Variants in INVS observed in about 807,000 individuals in gnomAD.
The protein encoded by INVS is inversin.
Under a neutral mutation model 108.8 loss-of-function variants are expected in INVS, and 86 were observed. That is an observed-to-expected ratio of 0.79 (90% CI 0.66 to 0.95). The LOEUF is 0.95. INVS is among the 40% of genes least tolerant of loss of function. The pLI is 0.00. For synonymous variants in INVS, 455 were observed against 473.5 expected (o/e 0.96, Z 0.51); for missense variants, 1,169 against 1,297.4 (o/e 0.90, Z 1.52).
chr9:100,224,842 C>T (rs906285422), intron 3 of INVS, among the ~76,000 whole-genome samples: 1 of 151,784 alleles, frequency 6.6e-6, no homozygotes, highest in Non-Finnish European at 1.5e-5. Flanking sequence ...TCTAGAACTC[C>T]TGACCTCGTG....
chr9:100,283,635 C>G (rs140271292), intron 12 of INVS, among the ~76,000 whole-genome samples: 124 of 152,310 alleles, frequency 8.1e-4, no homozygotes, highest in African/African-American at 2.8e-3. Flanking sequence ...CATCTTTAGA[C>G]GGGCCCCTGC....
intron 3 of INVS, among the ~76,000 whole-genome samples, chr9:100,132,498 A>G (rs959747372): frequency 3.3e-5 from 5 of 152,334 alleles, no homozygotes; most frequent in Non-Finnish European, 7.3e-5. Flanking sequence ...TCTTCTATGT[A>G]GGGATGATGA....
chr9:100,122,146 T>C (rs1337115057), intron 2 of INVS, among the ~76,000 whole-genome samples: 11 of 152,206 alleles, frequency 7.2e-5, no homozygotes. Flanking sequence ...AATTTCTGGC[T>C]GTCATTAGAT....
intron 3 of INVS, chr9:100,130,870 A>C (rs905443088): frequency 1.3e-5 from 2 of 152,214 alleles, no homozygotes; most frequent in African/African-American, 4.8e-5. Context: ...GAAGATATTA[A>C]ATGATAATTA....
At chr9:100,221,847 A>T (rs1476740163) in intron 3 of INVS, among the ~76,000 whole-genome samples, 1 of 152,182 alleles carries the variant, frequency 6.6e-6, no homozygotes, top group Non-Finnish European at 1.5e-5. Flanking sequence ...ATATTATTAT[A>T]ATTGTTCTAT....
At chr9:100,244,304 C>T (rs149437961) in intron 7 of INVS, among the ~76,000 whole-genome samples, 155 of 152,080 alleles carry the variant, frequency 1.0e-3, no homozygotes, top group African/African-American at 3.6e-3. Context: ...TTAACCTGAC[C>T]GAGTCTAGTC....
At chr9:100,165,311 A>G (rs552295426) in intron 3 of INVS, among the ~76,000 whole-genome samples, 1 of 152,278 alleles carries the variant, frequency 6.6e-6, no homozygotes, top group South Asian at 2.1e-4. Context: ...TAGGAGGGAC[A>G]TAATGTTTCA....
At chr9:100,204,540 AAG>A (rs565639974) in intron 3 of INVS, among the ~76,000 whole-genome samples, 221 of 152,274 alleles carry the variant, frequency 1.5e-3, no homozygotes, top group African/African-American at 5.1e-3. Context: ...AGGCATCTGA[AAG>A]GGGAATTTTC....
At chr9:100,205,282 T>C (rs1205498682) in intron 3 of INVS, among the ~76,000 whole-genome samples, 1 of 152,166 alleles carries the variant, frequency 6.6e-6, no homozygotes, top group Non-Finnish European at 1.5e-5. Context: ...CTGCTGCATC[T>C]GTTGGTAGCC....
At chr9:100,209,063 A>T (rs1043529556) in intron 3 of INVS, among the ~76,000 whole-genome samples, 1 of 152,138 alleles carries the variant, frequency 6.6e-6, no homozygotes, top group Non-Finnish European at 1.5e-5. Flanking sequence ...ATCCATTCTC[A>T]TTTTATTACA....
At chr9:100,294,741 A>G (rs1166387401) in intron 14 of INVS, among the ~76,000 whole-genome samples, 1 of 152,142 alleles carries the variant, frequency 6.6e-6, no homozygotes, top group African/African-American at 2.4e-5. Flanking sequence ...TAGGCTGGAG[A>G]AGGCTGCCTG....
At chr9:100,248,263 A>G (rs1323186594) in intron 8 of INVS, among the ~76,000 whole-genome samples, 2 of 152,104 alleles carry the variant, frequency 1.3e-5, no homozygotes, top group African/African-American at 4.8e-5. Flanking sequence ...TAACTTTTTC[A>G]GGTATTTGAA....
intron 2 of INVS, among the ~76,000 whole-genome samples, chr9:100,118,443 A>G (rs1364721520): frequency 6.6e-6 from 1 of 151,874 alleles, no homozygotes; most frequent in Non-Finnish European, 1.5e-5. Context: ...TCCTGGCCTC[A>G]AGTGATCCGC....
intron 12 of INVS, among the ~76,000 whole-genome samples, chr9:100,276,125 C>A (rs1833105998): frequency 6.6e-6 from 1 of 152,162 alleles, no homozygotes; most frequent in Admixed American, 6.5e-5. Context: ...TCTGCTCATG[C>A]TATACTTTTT....
intron 15 of INVS, 100 bp downstream of exon 15, chr9:100,297,246 A>T: frequency 1.0e-6 from 1 of 972,824 alleles, no homozygotes; most frequent in South Asian, 1.4e-5. Context: ...ACTTCCATTC[A>T]GATAAATTAG....
chr9:100,100,946 A>ATAATATG (rs1564112354), intron 1 of INVS, among the ~76,000 whole-genome samples: 1 of 31,516 alleles, frequency 3.2e-5, no homozygotes, highest in African/African-American at 1.6e-4. Context: ...TAATATATAT[A>ATAATATG]CATATATATT....
chr9:100,261,265 CTTTT>C (rs1191530321), intron 10 of INVS, among the ~76,000 whole-genome samples: 2 of 136,310 alleles, frequency 1.5e-5, no homozygotes, highest in East Asian at 2.1e-4. Flanking sequence ...AGGAATGCAT[CTTTT>C]TTTTTTTTTT....
chr9:100,173,307 G>A (rs1248686918), intron 3 of INVS, among the ~76,000 whole-genome samples: 1 of 152,186 alleles, frequency 6.6e-6, no homozygotes, highest in African/African-American at 2.4e-5. Context: ...ATAGCACTGG[G>A]TGAGTTTCCA....
intron 3 of INVS, among the ~76,000 whole-genome samples, chr9:100,161,921 T>G (rs144411833): frequency 1.9e-3 from 293 of 152,180 alleles, no homozygotes; most frequent in African/African-American, 6.8e-3. Flanking sequence ...TAATTATCAA[T>G]CCCATTCATT....
Sources: allele counts gnomAD v4.1 joint callset (sites outside exome capture counted in the v4.1 genomes callset), GRCh38; gene constraint gnomAD v4.1.1; transcripts MANE v1.5; gene names NCBI Gene and HGNC (gene_info 2026-07-23, HGNC 2026-07-21).